Variants in CHRNA5 observed in about 807,000 individuals in gnomAD.
CHRNA5 encodes the protein neuronal acetylcholine receptor subunit alpha-5.
In CHRNA5, 28 loss-of-function variants were observed where a neutral mutation model predicts 41.2. The ratio of observed to expected loss-of-function variants is 0.68; its 90% confidence interval spans 0.50 to 0.93. The LOEUF is 0.93. Among genes scored for constraint, CHRNA5 ranks in the 40% least tolerant of loss-of-function variants. The pLI, the probability that CHRNA5 is intolerant of heterozygous loss-of-function variation, is 0.00. For synonymous variants in CHRNA5, 188 were observed against 205.8 expected (o/e 0.91, Z 0.74); for missense variants, 481 against 581.9 (o/e 0.83, Z 1.78).
intron 1 of CHRNA5, among the ~76,000 whole-genome samples, chr15:78,573,226 A>G (rs544814096): frequency 9.2e-5 from 14 of 152,302 alleles, no homozygotes; most frequent in African/African-American, 3.4e-4. Context: ...ACAGCCCTCC[A>G]CAACAGGGAA....
intron 1 of CHRNA5, 96 bp from the exon 2 acceptor site, chr15:78,580,715 C>A (rs973035877): frequency 2.9e-6 from 3 of 1,050,272 alleles, no homozygotes; most frequent in Non-Finnish European, 4.1e-6. Context: ...TGGCTCACTG[C>A]AACCTTTGCC....
At chr15:78,583,587 C>G (rs1480220219) in intron 2 of CHRNA5, among the ~76,000 whole-genome samples, 1 of 151,494 alleles carries the variant, frequency 6.6e-6, no homozygotes, top group African/African-American at 2.4e-5. Context: ...CCCAGCTACT[C>G]GGGAGGCCGA....
At chr15:78,590,135 C>T in exon 5 of CHRNA5, 1 of 1,614,166 alleles carries the variant, frequency 6.2e-7, no homozygotes, top group Admixed American at 1.7e-5. Flanking sequence ...TAATCAAGCG[C>T]CTGCCTCTCT....
At chr15:78,590,323 C>G in exon 5 of CHRNA5, 1 of 1,614,062 alleles carries the variant, frequency 6.2e-7, no homozygotes, top group Non-Finnish European at 8.5e-7. Flanking sequence ...AAAGTCATAC[C>G]TCTAATTGGA....
exon 6 of CHRNA5, chr15:78,594,136 G>A (rs1159060189): frequency 6.6e-6 from 1 of 152,066 alleles, no homozygotes; most frequent in East Asian, 1.9e-4. Context: ...CTCCTTTAAG[G>A]CTTACTTTAT....
chr15:78,565,880 G>A (rs549182147), intron 1 of CHRNA5, 55 bp downstream of exon 1: 3 of 1,098,502 alleles, frequency 2.7e-6, no homozygotes, highest in African/African-American at 3.2e-5. Context: ...TCCACATCGC[G>A]GTGCCCAGGA....
At chr15:78,584,025 G>A (rs758300559) in intron 2 of CHRNA5, among the ~76,000 whole-genome samples, 7 of 152,080 alleles carry the variant, frequency 4.6e-5, no homozygotes, top group Non-Finnish European at 5.9e-5. Flanking sequence ...AGAAGGAAGG[G>A]GTAACCAAGC....
intron 2 of CHRNA5, among the ~76,000 whole-genome samples, chr15:78,585,204 C>T (rs1596062120): frequency 6.6e-6 from 1 of 152,150 alleles, no homozygotes; most frequent in Admixed American, 6.5e-5. Flanking sequence ...TGTGAGCCAC[C>T]GTGCCCAGCC....
exon 6 of CHRNA5, chr15:78,593,349 G>GCT: frequency 1.6e-6 from 2 of 1,275,320 alleles, no homozygotes; most frequent in African/African-American, 1.5e-5. Flanking sequence ...GTTAAATTTA[G>GCT]TGCAAGCTTT....
intron 1 of CHRNA5, among the ~76,000 whole-genome samples, chr15:78,569,460 G>A (rs1349760678): frequency 1.4e-5 from 2 of 145,242 alleles, no homozygotes; most frequent in Non-Finnish European, 3.0e-5. Context: ...TTGAGACGGA[G>A]TCTTGCACTG....
chr15:78,573,596 A>G (rs1383813687), intron 1 of CHRNA5, among the ~76,000 whole-genome samples: 1 of 152,212 alleles, frequency 6.6e-6, no homozygotes, highest in Non-Finnish European at 1.5e-5. Flanking sequence ...TAAAGATTTA[A>G]GAATAATTTG....
intron 2 of CHRNA5, among the ~76,000 whole-genome samples, chr15:78,583,920 T>A (rs1596061594): frequency 1.3e-5 from 2 of 152,276 alleles, no homozygotes; most frequent in South Asian, 4.1e-4. Flanking sequence ...TGTTTTTGTT[T>A]TTGCCCTTGC....
At chr15:78,574,928 G>A (rs2052843476) in intron 1 of CHRNA5, among the ~76,000 whole-genome samples, 2 of 149,774 alleles carry the variant, frequency 1.3e-5, no homozygotes, top group South Asian at 4.2e-4. Flanking sequence ...AGCCAAGATC[G>A]TGCCACTGTA....
chr15:78,570,730 AT>A (rs1214873176), intron 1 of CHRNA5, among the ~76,000 whole-genome samples: 5 of 151,990 alleles, frequency 3.3e-5, no homozygotes, highest in Non-Finnish European at 5.9e-5. Flanking sequence ...ATCTGGTTTT[AT>A]TTTCATTTTT....
chr15:78,585,104 G>C (rs1164925040), intron 2 of CHRNA5, among the ~76,000 whole-genome samples: 2 of 152,210 alleles, frequency 1.3e-5, no homozygotes, highest in South Asian at 2.1e-4. Context: ...TTTTAGTAGA[G>C]ACCAGGTTTC....
chr15:78,584,390 C>T (rs527770208), intron 2 of CHRNA5, among the ~76,000 whole-genome samples: 71 of 152,106 alleles, frequency 4.7e-4, no homozygotes, highest in Non-Finnish European at 4.7e-4. Flanking sequence ...TAACATTTTT[C>T]CATTTGTTAG....
intron 2 of CHRNA5, among the ~76,000 whole-genome samples, chr15:78,585,316 C>T (rs1009384375): frequency 2.0e-5 from 3 of 152,182 alleles, no homozygotes; most frequent in Admixed American, 6.5e-5. Context: ...ATGCAGGGAC[C>T]TCATGGAGCT....
chr15:78,592,240 T>G (rs927874950), intron 5 of CHRNA5, among the ~76,000 whole-genome samples: 1 of 152,132 alleles, frequency 6.6e-6, no homozygotes, highest in Non-Finnish European at 1.5e-5. Flanking sequence ...AAGAATCACT[T>G]AAACTTGGGA....
chr15:78,592,993 C>T, intron 5 of CHRNA5, 99 bp from the exon 6 acceptor site: 1 of 1,433,868 alleles, frequency 7.0e-7, no homozygotes, highest in South Asian at 1.4e-5. Context: ...CAATGGGAGG[C>T]AGAAATCGAT....
Sources: allele counts gnomAD v4.1 joint callset (sites outside exome capture counted in the v4.1 genomes callset), GRCh38; gene constraint gnomAD v4.1.1; transcripts MANE v1.5; gene names NCBI Gene and HGNC (gene_info 2026-07-23, HGNC 2026-07-21).